Variants in SYT9 observed in about 807,000 individuals in gnomAD.
SYT9 encodes the protein synaptotagmin 9.
SYT9 carries 22 observed loss-of-function variants against 48.4 expected under a neutral mutation model. The observed-to-expected ratio is 0.45, with a 90% CI of 0.32 to 0.65. The LOEUF is 0.65. Ranked by LOEUF, SYT9 falls within the 30% of genes least tolerant of loss-of-function variation. The probability of loss-of-function intolerance (pLI) is 0.03; values close to 1 mark genes in which losing one functional copy is unlikely to be tolerated. For missense variants in SYT9, 577 were observed against 622.0 expected (o/e 0.93, Z 0.77); for synonymous variants, 265 against 245.0 (o/e 1.08, Z -0.76).
intron 3 of SYT9, among the ~76,000 whole-genome samples, chr11:7,365,355 C>T (rs554743408): frequency 2.0e-5 from 3 of 152,106 alleles, no homozygotes; most frequent in Non-Finnish European, 2.9e-5. Context: ...TTTTCTCAGC[C>T]GAAAGGAAGA....
In SYT9 at chr11:7,468,456, A is replaced by T; in HGVS notation, c.*1656A>T. ...TCCAAGGTTCTGCCTATGTCTGATGACATAAGGAAAACTTGGCTTCCTCTG... is the reference window on the plus strand; with the variant it reads ...TCCAAGGTTCTGCCTATGTCTGATGTCATAAGGAAAACTTGGCTTCCTCTG... On this transcript the variant is annotated 3_prime_UTR_variant, in exon 7 of 7. Transcript: ENST00000318881. The T allele has an allele frequency of 2.5e-6, 1 of 396,612 alleles. No individual in the cohort carries two copies. The allele number at this position is 396,612 out of a possible 1,614,324, so 24.6% of individuals were successfully genotyped here. A position where few individuals can be genotyped will look rare whatever the true frequency, so the allele number is the denominator to read the frequency against.
chr11:7,311,939 C>A (rs575206650), intron 2 of SYT9, among the ~76,000 whole-genome samples: 1 of 152,150 alleles, frequency 6.6e-6, no homozygotes, highest in Non-Finnish European at 1.5e-5. Flanking sequence ...TTCCCTCCCC[C>A]GCCCACCCAC....
At chr11:7,420,323 C>T (rs12786812) in intron 5 of SYT9, among the ~76,000 whole-genome samples, 183 bp from the exon 6 acceptor site, 21,240 of 152,136 alleles carry the variant, frequency 0.14, 1,538 homozygotes, top group East Asian at 0.29. Flanking sequence ...CCAGGGTATA[C>T]GTTAGATCCC....
At chr11:7,303,731 A>T (rs1342031854) in intron 2 of SYT9, among the ~76,000 whole-genome samples, 2 of 152,194 alleles carry the variant, frequency 1.3e-5, no homozygotes, top group Non-Finnish European at 2.9e-5. Context: ...TAAATTTTTT[A>T]AAAAGCTGTA....
chr11:7,265,891 A>G (rs911663973), intron 1 of SYT9, among the ~76,000 whole-genome samples: 1 of 152,136 alleles, frequency 6.6e-6, no homozygotes, highest in Non-Finnish European at 1.5e-5. Context: ...AAACCCTGTG[A>G]AAACTCTAAC....
intron 1 of SYT9, among the ~76,000 whole-genome samples, chr11:7,259,168 C>T (rs531839132): frequency 6.6e-6 from 1 of 152,224 alleles, no homozygotes; most frequent in Non-Finnish European, 1.5e-5. Flanking sequence ...GTACCTATCT[C>T]GCAATGCATG....
intron 3 of SYT9, among the ~76,000 whole-genome samples, chr11:7,397,172 C>T (rs1371566961): frequency 2.0e-5 from 3 of 152,134 alleles, no homozygotes; most frequent in Non-Finnish European, 2.9e-5. Flanking sequence ...TAAAATCCTT[C>T]ATACAAAGTG....
chr11:7,407,360 ATTTTTTTTT>A (rs756378336), intron 3 of SYT9, among the ~76,000 whole-genome samples: 2 of 37,756 alleles, frequency 5.3e-5, no homozygotes, highest in Non-Finnish European at 8.3e-5. Context: ...TAAGTCTATA[ATTTTTTTTT>A]TTTTTTTTTT....
chr11:7,428,388 G>A (rs910896002), intron 6 of SYT9, among the ~76,000 whole-genome samples: 6 of 152,194 alleles, frequency 3.9e-5, no homozygotes, highest in Non-Finnish European at 7.3e-5. Context: ...TCCAGGGATG[G>A]CATTCAGAGG....
intron 1 of SYT9, among the ~76,000 whole-genome samples, chr11:7,241,784 A>G (rs968954790): frequency 2.6e-5 from 4 of 152,216 alleles, no homozygotes; most frequent in Non-Finnish European, 4.4e-5. Context: ...GCATTTGTCC[A>G]GGGGGATCGT....
At chr11:7,333,197 A>C (rs1441866167) in intron 3 of SYT9, among the ~76,000 whole-genome samples, 1 of 152,156 alleles carries the variant, frequency 6.6e-6, no homozygotes, top group Non-Finnish European at 1.5e-5. Flanking sequence ...CTAAATAAAC[A>C]TAGTGGGGGA....
chr11:7,403,498 G>A (rs561649588), intron 3 of SYT9, among the ~76,000 whole-genome samples: 31 of 152,294 alleles, frequency 2.0e-4, no homozygotes, highest in Non-Finnish European at 1.3e-4. Context: ...GCTGCAGTGA[G>A]CTGTGATTGT....
chr11:7,274,004 A>G (rs1848341625), intron 1 of SYT9, among the ~76,000 whole-genome samples: 1 of 152,188 alleles, frequency 6.6e-6, no homozygotes, highest in Non-Finnish European at 1.5e-5. Flanking sequence ...CCACCATGGC[A>G]CATGTATACC....
At chr11:7,402,978 A>G (rs1846925986) in intron 3 of SYT9, among the ~76,000 whole-genome samples, 1 of 152,032 alleles carries the variant, frequency 6.6e-6, no homozygotes, top group African/African-American at 2.4e-5. Context: ...TTTAGTGGCT[A>G]TTTTAGTATT....
intron 1 of SYT9, among the ~76,000 whole-genome samples, chr11:7,298,803 G>A (rs556394520): frequency 6.6e-6 from 1 of 152,240 alleles, no homozygotes; most frequent in South Asian, 2.1e-4. Flanking sequence ...AGAGCTAATA[G>A]CCAGTAGAAG....
intron 3 of SYT9, among the ~76,000 whole-genome samples, chr11:7,341,378 C>A (rs1849709462): frequency 6.6e-6 from 1 of 152,114 alleles, no homozygotes. Context: ...GTGGGAGGAA[C>A]CTGGTGGGAG....
chr11:7,318,227 C>G (rs1464760121), intron 3 of SYT9, among the ~76,000 whole-genome samples: 1 of 151,924 alleles, frequency 6.6e-6, no homozygotes, highest in Non-Finnish European at 1.5e-5. Context: ...GTTATCTTCT[C>G]TAAAATTTCA....
At chr11:7,461,064 G>C (rs955735373) in intron 6 of SYT9, among the ~76,000 whole-genome samples, 3 of 152,010 alleles carry the variant, frequency 2.0e-5, no homozygotes, top group African/African-American at 7.2e-5. Flanking sequence ...TCTGCTTGCT[G>C]TACTGTCAGT....
At chr11:7,335,425 C>G (rs987446372) in intron 3 of SYT9, among the ~76,000 whole-genome samples, 5 of 152,048 alleles carry the variant, frequency 3.3e-5, no homozygotes, top group Non-Finnish European at 5.9e-5. Context: ...GGTACTAGGC[C>G]TAGTACCCAA....
Sources: allele counts gnomAD v4.1 joint callset (sites outside exome capture counted in the v4.1 genomes callset), GRCh38; gene constraint gnomAD v4.1.1; transcripts MANE v1.5; gene names NCBI Gene and HGNC (gene_info 2026-07-23, HGNC 2026-07-21).